Variants in PTPRM observed in about 807,000 individuals in gnomAD.
PTPRM encodes protein tyrosine phosphatase receptor type M.
PTPRM carries 47 observed loss-of-function variants against 186.7 expected under a neutral mutation model. That is an observed-to-expected ratio of 0.25 (90% CI 0.20 to 0.32). The LOEUF (loss-of-function observed/expected upper bound fraction) is 0.32, where lower values mean the gene tolerates loss of function less well. Ranked by LOEUF, PTPRM falls within the 10% of genes least tolerant of loss-of-function variation. PTPRM has a pLI of 1.00. For missense variants in PTPRM, 1,494 were observed against 1,865.0 expected (o/e 0.80, Z 3.66); for synonymous variants, 668 against 674.9 (o/e 0.99, Z 0.16).
chr18:7,908,019 A>G (rs898623677), intron 4 of PTPRM, among the ~76,000 whole-genome samples: 4 of 151,962 alleles, frequency 2.6e-5, no homozygotes, highest in Middle Eastern at 3.2e-3. Flanking sequence ...TTTCTCTATT[A>G]AATATTGCTG....
At chr18:8,273,531 C>T (rs1568643769) in intron 19 of PTPRM, among the ~76,000 whole-genome samples, 1 of 152,148 alleles carries the variant, frequency 6.6e-6, no homozygotes, top group Non-Finnish European at 1.5e-5. Context: ...GCCTAGACTT[C>T]AGCCAGGTCC....
At chr18:8,071,696 C>T (rs181389102) in intron 8 of PTPRM, among the ~76,000 whole-genome samples, 1 of 152,276 alleles carries the variant, frequency 6.6e-6, no homozygotes, top group Admixed American at 6.5e-5. Context: ...CCATCGTTGC[C>T]TGATTGTTCT....
At chr18:8,375,977 C>A in intron 24 of PTPRM, 69 bp from the exon 25 acceptor site, 1 of 1,498,298 alleles carries the variant, frequency 6.7e-7, no homozygotes, top group Non-Finnish European at 9.1e-7. Flanking sequence ...ACTCCCCCAG[C>A]TATCCCTGCT....
At chr18:7,775,009 ATGT>A (rs2042512312) in intron 2 of PTPRM, among the ~76,000 whole-genome samples, 1 of 152,212 alleles carries the variant, frequency 6.6e-6, no homozygotes, top group Admixed American at 6.5e-5. Flanking sequence ...ACTGTGAAAC[ATGT>A]TGTTCTGATT....
chr18:8,015,461 A>G (rs903948394), intron 7 of PTPRM, among the ~76,000 whole-genome samples: 1 of 152,208 alleles, frequency 6.6e-6, no homozygotes, highest in Non-Finnish European at 1.5e-5. Flanking sequence ...GAAATATGAA[A>G]CATAGCTTCA....
intron 2 of PTPRM, among the ~76,000 whole-genome samples, chr18:7,828,209 T>G (rs1328883671): frequency 6.6e-6 from 1 of 152,174 alleles, no homozygotes; most frequent in Non-Finnish European, 1.5e-5. Flanking sequence ...TTTTGGGAAC[T>G]AATGAGTTAG....
chr18:8,189,754 T>C (rs1353623330), intron 14 of PTPRM, among the ~76,000 whole-genome samples: 1 of 152,214 alleles, frequency 6.6e-6, no homozygotes, highest in Non-Finnish European at 1.5e-5. Flanking sequence ...AATACCTGAG[T>C]GACTGCTGGG....
chr18:8,327,402 C>A (rs1320984767), intron 22 of PTPRM, among the ~76,000 whole-genome samples: 1 of 152,196 alleles, frequency 6.6e-6, no homozygotes, highest in Non-Finnish European at 1.5e-5. Flanking sequence ...GAGGAAGATG[C>A]CTTGGCAGAA....
Position 8,205,470 on chromosome 18 carries a change from ATTTC to A in PTPRM, c.2301-38584_2301-38581del, listed in dbSNP as rs529907485. ...TGAGTCCTTTGGGTTTGCTTTCTTT[ATTTC>A]TTTATTATATGTTTAATTGATCACG... On this transcript the variant is annotated intron_variant, in intron 14 of 32. Coordinates refer to ENST00000580170, the MANE Select transcript of PTPRM (RefSeq NM_001105244.2). Among the ~76,000 whole-genome samples the A allele has an allele frequency of 5.3e-4, 81 of 152,148 alleles. 1 individual carries two copies. The South Asian group carries it at 0.017, about 31-fold the overall frequency.
intron 1 of PTPRM, among the ~76,000 whole-genome samples, chr18:7,660,558 T>A (rs951686141): frequency 2.6e-5 from 4 of 152,136 alleles, no homozygotes; most frequent in Non-Finnish European, 5.9e-5. Context: ...TCCGGGAGTC[T>A]GCTGGATTGG....
intron 6 of PTPRM, among the ~76,000 whole-genome samples, chr18:7,949,838 A>T (rs1024003465): frequency 3.3e-5 from 5 of 152,122 alleles, no homozygotes; most frequent in Non-Finnish European, 7.4e-5. Context: ...CTATTACTAT[A>T]TTTTGCATGA....
chr18:7,745,556 A>G (rs147030954), intron 1 of PTPRM, among the ~76,000 whole-genome samples: 1 of 152,300 alleles, frequency 6.6e-6, no homozygotes, highest in East Asian at 1.9e-4. Context: ...CTTAGGTGTT[A>G]GGGTGAATAG....
intron 13 of PTPRM, among the ~76,000 whole-genome samples, chr18:8,126,019 A>T (rs1474016948): frequency 0.17 from 5,286 of 31,720 alleles, 675 homozygotes; most frequent in African/African-American, 0.21. Flanking sequence ...ATATATATAT[A>T]TATATATATT....
chr18:8,326,820 A>G (rs1454664439), intron 22 of PTPRM, among the ~76,000 whole-genome samples: 1 of 152,212 alleles, frequency 6.6e-6, no homozygotes, highest in Non-Finnish European at 1.5e-5. Flanking sequence ...AAAGAATTAA[A>G]TGTGAAACCT....
intron 1 of PTPRM, among the ~76,000 whole-genome samples, chr18:7,760,778 T>C (rs187990236): frequency 6.6e-6 from 1 of 152,344 alleles, no homozygotes; most frequent in African/African-American, 2.4e-5. Flanking sequence ...TAGATGGTTT[T>C]ATAGATGAAT....
intron 1 of PTPRM, among the ~76,000 whole-genome samples, chr18:7,645,844 T>C (rs1011175614): frequency 6.6e-6 from 1 of 152,198 alleles, no homozygotes; most frequent in African/African-American, 2.4e-5. Flanking sequence ...GCAAGGATCT[T>C]AGAATCCAGA....
At chr18:8,035,774 G>A (rs1376352901) in intron 7 of PTPRM, among the ~76,000 whole-genome samples, 1 of 152,006 alleles carries the variant, frequency 6.6e-6, no homozygotes, top group Non-Finnish European at 1.5e-5. Flanking sequence ...CCTTGATTGT[G>A]GTACAGGAGC....
chr18:8,245,708 C>G (rs796221446), intron 15 of PTPRM, among the ~76,000 whole-genome samples: 5 of 152,274 alleles, frequency 3.3e-5, no homozygotes, highest in African/African-American at 1.2e-4. Context: ...ACAGATACAT[C>G]TTCATTTTGC....
At chr18:8,379,437 T>A (rs903348888) in intron 28 of PTPRM, 97 bp downstream of exon 28, 2 of 1,278,064 alleles carry the variant, frequency 1.6e-6, no homozygotes, top group African/African-American at 3.1e-5. Flanking sequence ...CCAGCCCTTT[T>A]GTTTTTTAAG....
Sources: allele counts gnomAD v4.1 joint callset (sites outside exome capture counted in the v4.1 genomes callset), GRCh38; gene constraint gnomAD v4.1.1; transcripts MANE v1.5; gene names NCBI Gene and HGNC (gene_info 2026-07-23, HGNC 2026-07-21).